The following SPART variants were observed in gnomAD, a reference collection of about 807,000 sequenced individuals.
The protein encoded by SPART is spastic paraplegia 20 (Troyer syndrome).
In SPART, 35 loss-of-function variants were observed where a neutral mutation model predicts 58.7. The ratio of observed to expected loss-of-function variants is 0.60; its 90% CI spans 0.46 to 0.79. SPART has a LOEUF of 0.79. SPART is among the 30% of genes least tolerant of loss of function. SPART has a pLI of 0.00. For synonymous variants in SPART, 284 were observed against 280.7 expected, an observed-to-expected ratio of 1.01 and a Z score of -0.12; for missense variants, 730 against 786.1, an observed-to-expected ratio of 0.93 and a Z score of 0.85.
chr13:36,337,418 C>T (rs1884119507), intron 1 of SPART, among the ~76,000 whole-genome samples: 1 of 152,102 alleles, frequency 6.6e-6, no homozygotes. Context: ...AGAGGGACCC[C>T]GTGGGAGATG....
chr13:36,359,923 TA>T (rs375878141), intron 1 of SPART, among the ~76,000 whole-genome samples: 9 of 120,334 alleles, frequency 7.5e-5, no homozygotes, highest in Admixed American at 8.9e-5. Context: ...GTTGTTAATT[TA>T]AAAAAAAAAA....
Position 36,312,473 on chromosome 13 carries a change from A to C in SPART, c.1488T>G (p.Asp496Glu), listed in dbSNP as rs780166280. 1 of 1,614,134 alleles carries C rather than the reference A, an allele frequency of 6.2e-7. No homozygotes were observed. Among genetic ancestry groups the C allele is most frequent in the Middle Eastern group, 1.6e-4 (1 of 6,062 alleles). ...CGCAATTTGCTACAGTGCAAACTCC[A>C]TCAACTAATATGACCATAAAAAAAG... Reference protein sequence around the residue: ...GAAKVSQFLVDGVCTVANCVG... With the variant: ...GAAKVSQFLVEGVCTVANCVG... Residue 496 changes from aspartate (D) to glutamate (E), a missense_variant, in exon 7 of 9, where the codon GAT (aspartate) becomes GAG (glutamate). Transcript: ENST00000438666.
chr13:36,339,090 T>TA lies in SPART; in HGVS notation c.-2-3259dup, dbSNP rs372497902. On this transcript the variant is annotated intron_variant, in intron 1 of 8. Transcript: ENST00000438666. ...TGAAATGGACAATGTGCAGGAAACG[T>TA]AAAAAAAAAAACCCTATCATTTATA... is the stretch of plus-strand genomic sequence containing the variant. Among the ~76,000 whole-genome samples the TA allele has an allele frequency of 3.6e-3, 510 of 140,604 alleles. 1 individual carries two copies. The highest frequency in any genetic ancestry group is 7.7e-3 in the African/African-American group (296 of 38,368). The allele number at this position is 140,604 out of a possible 152,430, so 92.2% of individuals were successfully genotyped here. A position where few individuals can be genotyped will look rare whatever the true frequency, so the allele number is the denominator to read the frequency against.
chr13:36,335,964 C>T (rs1883972748), intron 1 of SPART, 132 bp from the exon 2 acceptor site: 1 of 724,988 alleles, frequency 1.4e-6, no homozygotes, highest in East Asian at 2.7e-5. Flanking sequence ...TTATACTATC[C>T]TTTAAGCCTA....
At chr13:36,368,653 C>T (rs1886159886) in intron 1 of SPART, among the ~76,000 whole-genome samples, 1 of 152,146 alleles carries the variant, frequency 6.6e-6, no homozygotes, top group Admixed American at 6.5e-5. Flanking sequence ...CTAAAGCTAA[C>T]ATTAAAAATC....
chr13:36,354,240 A>T (rs1202928466), intron 1 of SPART, among the ~76,000 whole-genome samples: 1 of 152,214 alleles, frequency 6.6e-6, no homozygotes, highest in African/African-American at 2.4e-5. Flanking sequence ...AAGATGTTCT[A>T]CCATGAGCAT....
In SPART at chr13:36,302,018, C is replaced by A. The variant is rs185331721; in HGVS notation, c.*2347G>T. On this transcript the variant is annotated 3_prime_UTR_variant, in exon 9 of 9. Coordinates refer to ENST00000438666, the MANE Select transcript of SPART (RefSeq NM_015087.5). ...AGTTGAGTAAGACTTCACATTCAGA[C>A]ACTATATGTAGAAAGCTTCAAAAAA... 1 of 145,256 alleles carries A rather than the reference C, an allele frequency of 6.9e-6. No homozygotes were observed. The highest frequency in any genetic ancestry group is 2.9e-5 in the African/African-American group (1 of 34,878). The allele number at this position is 145,256 out of a possible 1,614,324, so 9.0% of individuals were successfully genotyped here. A position where few individuals can be genotyped will look rare whatever the true frequency, so the allele number is the denominator to read the frequency against.
upstream of SPART, among the ~76,000 whole-genome samples, chr13:36,350,176 T>C (rs1335895814): frequency 6.6e-6 from 1 of 152,196 alleles, no homozygotes; most frequent in Middle Eastern, 3.4e-3. Context: ...CACAAGAAAA[T>C]AATGGCAGTA....
chr13:36,314,494 T>A lies in SPART; in HGVS notation c.1289-73A>T, dbSNP rs118086924. The A allele has an allele frequency of 0.011, 14,782 of 1,397,922 alleles. 100 individuals are homozygous for A. Among genetic ancestry groups the A allele is most frequent in the Middle Eastern group, 0.013 (71 of 5,594 alleles). 86.6% of individuals were successfully genotyped at this position (1,397,922 alleles called of 1,614,324 possible). A position where few individuals can be genotyped will look rare whatever the true frequency, so the allele number is the denominator to read the frequency against. ...CTTTTGAACACTTTAATAAATAACA[T>A]CAACCAGAAAAAAATAAAAGGAGTT... is the stretch of plus-strand genomic sequence containing the variant. On this transcript the variant is annotated intron_variant, in intron 5 of 8. Coordinates refer to ENST00000438666, the MANE Select transcript of SPART (RefSeq NM_015087.5).
At chr13:36,311,107 G>T (rs992679828) in intron 8 of SPART, among the ~76,000 whole-genome samples, 1 of 152,200 alleles carries the variant, frequency 6.6e-6, no homozygotes, top group African/African-American at 2.4e-5. Context: ...GGTCAGAAAA[G>T]AGCCACAAGG....
At chr13:36,322,390 T>A (rs1440315385) in intron 5 of SPART, among the ~76,000 whole-genome samples, 1 of 152,096 alleles carries the variant, frequency 6.6e-6, no homozygotes, top group African/African-American at 2.4e-5. Flanking sequence ...GAGTTTGCAG[T>A]GAGCTGAGAT....
intron 6 of SPART, chr13:36,312,683 T>G: frequency 1.7e-6 from 1 of 596,742 alleles, no homozygotes; most frequent in Admixed American, 2.9e-5. Context: ...GCTCAAGTGA[T>G]CCTCCTGCCT....
chr13:36,314,083 C>T lies in SPART; in HGVS notation c.1483+144G>A, dbSNP rs541912589. Reference sequence around the variant, plus strand: ...TGATGTTGCTGGTCCGCAGGTCTCACTATGAATAACAAAGAGAAACTGCTT... The same window carrying T: ...TGATGTTGCTGGTCCGCAGGTCTCATTATGAATAACAAAGAGAAACTGCTT... On this transcript the variant is annotated intron_variant, in intron 6 of 8. Transcript: ENST00000438666. The T allele has an allele frequency of 7.3e-6, 6 of 823,740 alleles. No homozygotes were observed. In the South Asian group the frequency reaches 1.1e-4, roughly 14 times the overall value. 51.0% of individuals were successfully genotyped at this position (823,740 alleles called of 1,614,324 possible).
intron 3 of SPART, 88 bp downstream of exon 3, chr13:36,331,311 C>T: frequency 4.6e-6 from 5 of 1,094,704 alleles, no homozygotes; most frequent in Non-Finnish European, 7.0e-6. Flanking sequence ...ACCTTGATTA[C>T]AGTAGAGGTT....
intron 1 of SPART, among the ~76,000 whole-genome samples, chr13:36,366,997 T>G (rs1181831287): frequency 1.3e-5 from 2 of 152,230 alleles, no homozygotes. Context: ...GAGCGCTAGC[T>G]GCTGTTCCCC....
At chr13:36,321,367 C>G (rs1322457160) in intron 5 of SPART, among the ~76,000 whole-genome samples, 1 of 152,206 alleles carries the variant, frequency 6.6e-6, no homozygotes, top group Non-Finnish European at 1.5e-5. Flanking sequence ...CAGGACTATG[C>G]TGAATCTCCT....
At chr13:36,362,016 A>G (rs1885880174) in intron 1 of SPART, among the ~76,000 whole-genome samples, 1 of 152,204 alleles carries the variant, frequency 6.6e-6, no homozygotes, top group Admixed American at 6.5e-5. Flanking sequence ...GTAGGCAGGC[A>G]TTATTATCAC....
chr13:36,312,906 C>T (rs1451500434), intron 6 of SPART, among the ~76,000 whole-genome samples: 5 of 151,384 alleles, frequency 3.3e-5, no homozygotes, highest in Non-Finnish European at 1.5e-5. Context: ...GTACTTTTAG[C>T]TTATTCCAGC....
chr13:36,344,035 T>TAA (rs35639781), intron 1 of SPART, among the ~76,000 whole-genome samples: 47 of 129,852 alleles, frequency 3.6e-4, no homozygotes, highest in East Asian at 1.3e-3. Context: ...CTTGTCTCTT[T>TAA]AAAAAAAAAA....
Sources: allele counts gnomAD v4.1 joint callset (sites outside exome capture counted in the v4.1 genomes callset), GRCh38; gene constraint gnomAD v4.1.1; transcripts MANE v1.5; gene names NCBI Gene and HGNC (gene_info 2026-07-23, HGNC 2026-07-21).